The following DDX42 variants were observed in gnomAD, a reference collection of about 807,000 sequenced individuals.
DDX42 encodes the protein ATP-dependent RNA helicase DDX42.
In DDX42, 22 loss-of-function variants were observed where a neutral mutation model predicts 101.5. The ratio of observed to expected loss-of-function variants is 0.22; its 90% confidence interval spans 0.15 to 0.31. The LOEUF (loss-of-function observed/expected upper bound fraction) is 0.31. DDX42 is among the 10% of genes least tolerant of loss of function. DDX42 has a pLI of 1.00. For missense variants in DDX42, 849 were observed against 1,199.9 expected, an observed-to-expected ratio of 0.71 and a Z score of 4.32; for synonymous variants, 402 against 401.2, an observed-to-expected ratio of 1.00 and a Z score of -0.02.
At chr17:63,813,556 G>A (rs1480166420) in intron 15 of DDX42, 102 bp downstream of exon 15, 2 of 1,062,892 alleles carry the variant, frequency 1.9e-6, no homozygotes, top group Non-Finnish European at 2.7e-6. Flanking sequence ...AAAGTTGGGT[G>A]GCTAGGAGGA....
intron 3 of DDX42, among the ~76,000 whole-genome samples, chr17:63,793,589 T>A (rs1377911815): frequency 2.6e-5 from 4 of 152,184 alleles, no homozygotes; most frequent in African/African-American, 9.7e-5. Flanking sequence ...TGGATTATTT[T>A]AAAATCTCAG....
chr17:63,792,461 A>G lies in DDX42; in HGVS notation c.271A>G (p.Ile91Val). The G allele has an allele frequency of 6.2e-7, 1 of 1,613,802 alleles. No individual in the cohort carries two copies. The highest frequency in any genetic ancestry group is 8.5e-7 in the Non-Finnish European group (1 of 1,179,870). The change falls in exon 3 of 18, where the codon ATT becomes GTT. Residue 91 changes from isoleucine (I) to valine (V), a missense_variant. By Grantham distance (29) the Ile-to-Val change is conservative. Transcript: ENST00000389924. ...EDSSNVDLPY[I>V]PAENSPTRQQ... ...TTCTAGCAACGTTGATTTACCTTAC[A>G]TTCCTGCTGAAAACTCACCAACTCG...
At chr17:63,808,488 T>A (rs1243472855) in intron 9 of DDX42, among the ~76,000 whole-genome samples, 2 of 152,148 alleles carry the variant, frequency 1.3e-5, no homozygotes, top group African/African-American at 4.8e-5. Context: ...CTACTTTTTT[T>A]AAGAGGAAAA....
chr17:63,787,610 G>A (rs1264272601), intron 2 of DDX42, among the ~76,000 whole-genome samples: 4 of 152,116 alleles, frequency 2.6e-5, no homozygotes, highest in South Asian at 2.1e-4. Context: ...AGGCCGAGAC[G>A]GATGGATCAT....
At chr17:63,808,212 CTT>C (rs1384891257) in intron 9 of DDX42, among the ~76,000 whole-genome samples, 1 of 152,172 alleles carries the variant, frequency 6.6e-6, no homozygotes, top group Admixed American at 6.5e-5. Flanking sequence ...GAGTCTCACT[CTT>C]TTGCCCAGGC....
intron 1 of DDX42, among the ~76,000 whole-genome samples, chr17:63,785,463 C>G (rs1319733754): frequency 6.8e-6 from 1 of 146,740 alleles, no homozygotes; most frequent in African/African-American, 2.5e-5. Context: ...AAACAAAAAA[C>G]AAAAAAATTT....
intron 3 of DDX42, 138 bp from the exon 4 acceptor site, chr17:63,797,900 C>G: frequency 1.4e-6 from 1 of 726,328 alleles, no homozygotes; most frequent in Non-Finnish European, 2.2e-6. Flanking sequence ...AAATAATTGT[C>G]AAAATGCAAT....
chr17:63,816,182 T>C (rs1227879384), intron 16 of DDX42, among the ~76,000 whole-genome samples: 1 of 152,224 alleles, frequency 6.6e-6, no homozygotes, highest in Non-Finnish European at 1.5e-5. Context: ...ATGTACCCTT[T>C]TGGTGGCCTT....
chr17:63,809,478 CT>C (rs2039883358), intron 10 of DDX42, 81 bp from the exon 11 acceptor site: 3 of 1,109,306 alleles, frequency 2.7e-6, no homozygotes, highest in Non-Finnish European at 4.1e-6. Context: ...AGAATTAGCA[CT>C]TTTGCCAGGA....
chr17:63,811,305 G>C, intron 13 of DDX42, 132 bp downstream of exon 13: 1 of 676,798 alleles, frequency 1.5e-6, no homozygotes, highest in South Asian at 3.1e-5. Flanking sequence ...CTTGAGATTG[G>C]GTATTTTGCA....
Position 63,774,266 on chromosome 17 carries a change from G to T in DDX42, c.-127G>T, listed in dbSNP as rs2039386353. The T allele has an allele frequency of 6.7e-6, 2 of 299,942 alleles. No individual in the cohort carries two copies. Among genetic ancestry groups the T allele is most frequent in the Non-Finnish European group, 1.2e-5 (2 of 165,400 alleles). The allele number at this position is 299,942 out of a possible 1,614,324, so 18.6% of individuals were successfully genotyped here. A position where few individuals can be genotyped will look rare whatever the true frequency, so the allele number is the denominator to read the frequency against. On this transcript the variant is annotated 5_prime_UTR_variant, in exon 1 of 18. Transcript: ENST00000389924. ...GGTGGCGGCGGCGGCGGCGAAGGGGGCGGAGAGGAAGGAGCGCGGCGGGAC... is the reference window on the plus strand; with the variant it reads ...GGTGGCGGCGGCGGCGGCGAAGGGGTCGGAGAGGAAGGAGCGCGGCGGGAC...
At position 63,817,880 on chromosome 17, in the gene DDX42, G is replaced by A. The variant is rs752604878; in HGVS notation, c.2299G>A (p.Gly767Ser). 6.2e-7 allele frequency: 1 copy of A among 1,614,212 alleles called. No individual in the cohort carries two copies. The highest frequency in any genetic ancestry group is 1.1e-5 in the South Asian group (1 of 91,080). Residue 767 changes from glycine (G) to serine (S), a missense_variant, in exon 18 of 18, where the codon GGC becomes AGC. By Grantham distance (56) the Gly-to-Ser change is moderately conservative. Coordinates refer to ENST00000389924, the MANE Select transcript of DDX42 (RefSeq NM_203499.3). The stretch of plus-strand genomic sequence containing the variant: ...TGCCGCCAAGGGCATCCCAGGCTTT[G>A]GCAATACTGGCAACATCAGTGGTGC... ...TSAAKGIPGF[G>S]NTGNISGAPV...
intron 3 of DDX42, 108 bp from the exon 4 acceptor site, chr17:63,797,930 C>T (rs2144558365): frequency 1.0e-6 from 1 of 999,246 alleles, no homozygotes; most frequent in African/African-American, 1.6e-5. Flanking sequence ...TCAAAATGCA[C>T]TTGTCAAATA....
chr17:63,775,391 A>C (rs1022934638), intron 1 of DDX42, among the ~76,000 whole-genome samples: 4 of 152,202 alleles, frequency 2.6e-5, no homozygotes, highest in Non-Finnish European at 4.4e-5. Flanking sequence ...TTAACTTTCT[A>C]GTAGCGGGAG....
chr17:63,789,546 C>CGTTTTTTTTTTT lies in DDX42; in HGVS notation c.221+2276_221+2277insGTTTTTTTTTTT, dbSNP rs138224520. Among the ~76,000 whole-genome samples the CGTTTTTTTTTTT allele has an allele frequency of 1.1e-4, 13 of 121,850 alleles. 4 individuals carry two copies. Among genetic ancestry groups the CGTTTTTTTTTTT allele is most frequent in the African/African-American group, 2.4e-4 (7 of 29,320 alleles). 79.9% of individuals were successfully genotyped at this position (121,850 alleles called of 152,430 possible). A position where few individuals can be genotyped will look rare whatever the true frequency, so the allele number is the denominator to read the frequency against. On this transcript the variant is annotated intron_variant, in intron 2 of 17. Transcript: ENST00000389924. ...ATTGGAAAAAAAAGCTTCTAAAAGA[C>CGTTTTTTTTTTT]TTTTTTGTTTTTGTTTTTGTTTTTG...
At chr17:63,791,813 A>T (rs1253907524) in intron 2 of DDX42, among the ~76,000 whole-genome samples, 2 of 152,138 alleles carry the variant, frequency 1.3e-5, no homozygotes, top group African/African-American at 4.8e-5. Flanking sequence ...TTGGAGGCTG[A>T]GGAGGGCAGA....
chr17:63,798,188 A>G, intron 4 of DDX42, 89 bp downstream of exon 4: 1 of 1,200,770 alleles, frequency 8.3e-7, no homozygotes, highest in East Asian at 2.4e-5. Context: ...TAGAGAAAAA[A>G]TATTGACGTA....
At chr17:63,808,647 C>T (rs1803673071) in intron 9 of DDX42, among the ~76,000 whole-genome samples, 173 bp from the exon 10 acceptor site, 1 of 152,096 alleles carries the variant, frequency 6.6e-6, no homozygotes, top group South Asian at 2.1e-4. Flanking sequence ...TGTTGAGATG[C>T]AATAATGGTA....
In DDX42 at chr17:63,805,081, C is replaced by T. The variant is rs1025415267; in HGVS notation, c.632C>T (p.Pro211Leu). The T allele has an allele frequency of 2.1e-5, 33 of 1,608,932 alleles. No individual in the cohort carries two copies. Among genetic ancestry groups the T allele is most frequent in the Non-Finnish European group, 2.5e-5 (30 of 1,178,808 alleles). ...TAATTGGACCTGCAGATTGACTATC[C>T]ACCATTTGAAAAAAACTTTTACAAT... The part of the protein sequence containing the change: ...PPIDHSEIDY[P>L]PFEKNFYNEH... Residue 211 changes from proline (P) to leucine (L), a missense_variant, in exon 7 of 18, where the codon CCA (proline) becomes CTA (leucine). By Grantham distance (98) the Pro-to-Leu change is moderately conservative. Transcript: ENST00000389924.
Sources: allele counts gnomAD v4.1 joint callset (sites outside exome capture counted in the v4.1 genomes callset), GRCh38; gene constraint gnomAD v4.1.1; transcripts MANE v1.5; gene names NCBI Gene and HGNC (gene_info 2026-07-23, HGNC 2026-07-21).